Variants in SLC26A11 observed in about 807,000 individuals in gnomAD.
SLC26A11 encodes solute carrier family 26 member 11.
A neutral mutation model predicts 62.2 loss-of-function variants in SLC26A11; 58 were observed. That is an observed-to-expected ratio of 0.93 (90% CI 0.76 to 1.16). SLC26A11 has a LOEUF of 1.16. Ranked by LOEUF, SLC26A11 falls within the 50% of genes most tolerant of loss-of-function variation. SLC26A11 has a pLI of 0.00. For synonymous variants in SLC26A11, 411 were observed against 368.9 expected (o/e 1.11, Z -1.31); for missense variants, 790 against 794.3 (o/e 0.99, Z 0.06).
chr17:80,227,450 C>T (rs2042441897), intron 6 of SLC26A11, among the ~76,000 whole-genome samples: 1 of 152,228 alleles, frequency 6.6e-6, no homozygotes, highest in Non-Finnish European at 1.5e-5. Context: ...CTGCCATCAT[C>T]ATGACCCGGG....
rs373190866 is a variant in SLC26A11 at position 80,228,718 on chromosome 17, A to G, written c.736+758A>G. Among the ~76,000 whole-genome samples, 272 of 152,374 alleles carry G rather than the reference A, an allele frequency of 1.8e-3. 8 individuals carry two copies. The East Asian group carries it at 0.038, about 21-fold the overall frequency. On this transcript the variant is annotated intron_variant, in intron 7 of 17. Coordinates refer to ENST00000361193, the MANE Select transcript of SLC26A11 (RefSeq NM_001166347.2). This position sits in a 1 kb window ranked among gnomAD's most constrained non-coding sequence, Gnocchi z 4.1. ...CAAAATGTCGGCGGTGCCGAGGTGG[A>G]GAAACACAGTCTACTGGCAGGTCCT... is the stretch of plus-strand genomic sequence containing the variant.
chr17:80,224,942 C>T (rs994993470), intron 5 of SLC26A11, among the ~76,000 whole-genome samples: 2 of 152,060 alleles, frequency 1.3e-5, no homozygotes, highest in African/African-American at 4.8e-5. Context: ...CTAACCCCAC[C>T]CACCCTGTGC....
At position 80,252,358 on chromosome 17, in the gene SLC26A11, G is replaced by C. The variant is rs1243240516; in HGVS notation, c.1730-267G>C. 2.0e-5 allele frequency among the ~76,000 whole-genome samples: 3 copies of C among 152,196 alleles called. No individual in the cohort carries two copies. The highest frequency in any genetic ancestry group is 4.4e-5 in the Non-Finnish European group (3 of 68,026). On this transcript the variant is annotated intron_variant, in intron 17 of 17. Transcript: ENST00000361193. The surrounding 1 kb of genome is among the most constrained non-coding windows in gnomAD (Gnocchi z 5.2). ...GAATCAGCTCAGATGCAGTGCACTG[G>C]AGGTGGATAAGCAGAATGTGGCCTG...
chr17:80,252,578 C>G lies in SLC26A11; in HGVS notation c.1730-47C>G. Reference sequence around the variant, plus strand: ...CCCTTCCTGTGAACTGACCCATCCTCACTTCTGAGCTTTTAGTGCTTGAAA... The same window carrying G: ...CCCTTCCTGTGAACTGACCCATCCTGACTTCTGAGCTTTTAGTGCTTGAAA... On this transcript the variant is annotated intron_variant, in intron 17 of 17. Coordinates refer to ENST00000361193, the MANE Select transcript of SLC26A11 (RefSeq NM_001166347.2). This position sits in a 1 kb window ranked among gnomAD's most constrained non-coding sequence, Gnocchi z 5.2. The G allele has an allele frequency of 6.3e-7, 1 of 1,580,746 alleles. No homozygotes were observed. The highest frequency in any genetic ancestry group is 8.7e-7 in the Non-Finnish European group (1 of 1,152,860).
At chr17:80,230,252 A>G (rs930717627) in intron 7 of SLC26A11, among the ~76,000 whole-genome samples, 3 of 151,624 alleles carry the variant, frequency 2.0e-5, no homozygotes, top group African/African-American at 7.3e-5. Flanking sequence ...CATGTTTTTC[A>G]GAGACTTGTT....
At position 80,251,352 on chromosome 17, in the gene SLC26A11, G is replaced by C. The variant is rs200621674; in HGVS notation, c.1680G>C (p.Leu560=). The change falls in exon 17 of 18, where the codon CTG becomes CTC. Residue 560 remains leucine, a synonymous_variant. Coordinates refer to ENST00000361193, the MANE Select transcript of SLC26A11 (RefSeq NM_001166347.2). Reference sequence around the variant, plus strand: ...AGGTCCCCGTTCTCCGTGTCCTGCTGTCCGCTGACCTGAAGGGGTTCCAGT... The same window carrying C: ...AGGTCCCCGTTCTCCGTGTCCTGCTCTCCGCTGACCTGAAGGGGTTCCAGT... The part of the protein sequence containing the change: ...GLQVPVLRVL[L]SADLKGFQYF... 4.0e-5 allele frequency: 64 copies of C among 1,613,992 alleles called. No homozygotes were observed. The highest frequency in any genetic ancestry group is 1.0e-4 in the Admixed American group (6 of 59,974).
At position 80,246,677 on chromosome 17, in the gene SLC26A11, G is replaced by A. The variant is rs372523185; in HGVS notation, c.1294+28G>A. Reference sequence around the variant, plus strand: ...ACGTCCTTGTCCTACAGGGGAGAGCGCTGTGATGCGGTGTCTGAACGCGGA... The same window carrying A: ...ACGTCCTTGTCCTACAGGGGAGAGCACTGTGATGCGGTGTCTGAACGCGGA... On this transcript the variant is annotated intron_variant, in intron 13 of 17. Coordinates refer to ENST00000361193, the MANE Select transcript of SLC26A11 (RefSeq NM_001166347.2). This position sits in a 1 kb window ranked among gnomAD's most constrained non-coding sequence, Gnocchi z 4.4. The A allele has an allele frequency of 7.2e-5, 116 of 1,608,312 alleles. No individual in the cohort carries two copies. The highest frequency in any genetic ancestry group is 1.1e-4 in the South Asian group (10 of 90,314).
At chr17:80,237,993 A>C (rs2042746020) in intron 9 of SLC26A11, among the ~76,000 whole-genome samples, 1 of 152,260 alleles carries the variant, frequency 6.6e-6, no homozygotes, top group South Asian at 2.1e-4. Context: ...CACCATGTAG[A>C]TACAGTGGGT....
At chr17:80,239,994 A>G (rs1162378047) in intron 9 of SLC26A11, among the ~76,000 whole-genome samples, 1 of 152,264 alleles carries the variant, frequency 6.6e-6, no homozygotes, top group Non-Finnish European at 1.5e-5. Context: ...GCGTAGCTGC[A>G]GCAGTGACTG....
At chr17:80,247,621 G>T (rs950570235) in intron 13 of SLC26A11, among the ~76,000 whole-genome samples, 2 of 152,354 alleles carry the variant, frequency 1.3e-5, no homozygotes, top group South Asian at 2.1e-4. Context: ...GTGCCAGTGC[G>T]CTGGGGCTTT....
intron 7 of SLC26A11, among the ~76,000 whole-genome samples, chr17:80,231,291 T>C (rs1308854267): frequency 1.3e-5 from 2 of 151,484 alleles, no homozygotes; most frequent in Admixed American, 6.6e-5. Flanking sequence ...GCCTCCCAAG[T>C]AGCTGGGATT....
Position 80,221,610 on chromosome 17 carries a change from G to A in SLC26A11, c.50G>A (p.Gly17Glu). 1.2e-6 allele frequency: 2 copies of A among 1,608,266 alleles called. No individual in the cohort carries two copies. Among genetic ancestry groups the A allele is most frequent in the Non-Finnish European group, 1.7e-6 (2 of 1,179,642 alleles). ...ALGQARSSGP[G>E]MAPSACCCSP... ...GGTCAGGCCAGGTCCTCTGGCCCCG[G>A]GATGGCCCCGAGCGCCTGCTGCTGC... Residue 17 changes from glycine (G) to glutamate (E), a missense_variant, in exon 3 of 18, where the codon GGG (glycine) becomes GAG (glutamate). By Grantham distance (98) the Gly-to-Glu change is moderately conservative. Coordinates refer to ENST00000361193, the MANE Select transcript of SLC26A11 (RefSeq NM_001166347.2).
intron 6 of SLC26A11, 94 bp downstream of exon 6, chr17:80,226,010 C>G: frequency 8.5e-7 from 1 of 1,172,468 alleles, no homozygotes; most frequent in Admixed American, 1.8e-5. Context: ...CCCCTGGTGA[C>G]TGCTCAAACA....
rs549162883 is a variant in SLC26A11, at chr17:80,246,740, C to A, written c.1294+91C>A. Reference sequence around the variant, plus strand: ...TGCTACCCCATTTTCCTGCAGCCCCCTCTGTGGGGCTGGGACTGGGAAGTT... The same window carrying A: ...TGCTACCCCATTTTCCTGCAGCCCCATCTGTGGGGCTGGGACTGGGAAGTT... On this transcript the variant is annotated intron_variant, in intron 13 of 17. Transcript: ENST00000361193. The surrounding 1 kb of genome is among the most constrained non-coding windows in gnomAD (Gnocchi z 4.4). The A allele has an allele frequency of 9.4e-6, 14 of 1,482,858 alleles. No individual in the cohort carries two copies. Among genetic ancestry groups the A allele is most frequent in the Non-Finnish European group, 1.3e-5 (14 of 1,101,630 alleles). The allele number at this position is 1,482,858 out of a possible 1,614,324, so 91.9% of individuals were successfully genotyped here.
chr17:80,235,728 A>C (rs1015752595), intron 7 of SLC26A11, among the ~76,000 whole-genome samples: 3 of 152,194 alleles, frequency 2.0e-5, no homozygotes, highest in Non-Finnish European at 4.4e-5. Context: ...GTTTGAGGTT[A>C]TTGCGTGCTG....
chr17:80,221,259 C>T (rs2042173288), intron 2 of SLC26A11, 144 bp downstream of exon 2: 1 of 400,644 alleles, frequency 2.5e-6, no homozygotes, highest in African/African-American at 2.1e-5. Context: ...TGAGGAATCG[C>T]TTATCAGTTT....
intron 7 of SLC26A11, among the ~76,000 whole-genome samples, chr17:80,233,302 T>A (rs1258064854): frequency 6.6e-6 from 1 of 151,854 alleles, no homozygotes; most frequent in Non-Finnish European, 1.5e-5. Flanking sequence ...TCTGGCTAAT[T>A]TTTTAAATTT....
Position 80,222,641 on chromosome 17 carries a change from C to G in SLC26A11, c.235-14C>G, listed in dbSNP as rs2042254026. 6 of 1,611,142 alleles carry G rather than the reference C, an allele frequency of 3.7e-6. No homozygotes were observed. The East Asian group carries it at 8.9e-5, about 24-fold the overall frequency. The stretch of plus-strand genomic sequence containing the variant: ...CTCGGCCTCCTGAGTGCTCACCACC[C>G]TCTCTCCCCACAGTATGGCCTCTAC... On this transcript the variant is annotated splice_polypyrimidine_tract_variant and intron_variant, in intron 3 of 17. Coordinates refer to ENST00000361193, the MANE Select transcript of SLC26A11 (RefSeq NM_001166347.2). The surrounding 1 kb of genome is among the most constrained non-coding windows in gnomAD (Gnocchi z 4.7).
chr17:80,224,442 AGAGTGT>A (rs1397578390), intron 5 of SLC26A11, among the ~76,000 whole-genome samples: 84 of 120,316 alleles, frequency 7.0e-4, no homozygotes, highest in East Asian at 2.1e-3. Flanking sequence ...TGTGGGTGTG[AGAGTGT>A]GAGTGTGAGA....
Sources: gnomAD v4.1 joint callset for allele counts (sites outside exome capture counted in the v4.1 genomes callset) on GRCh38, gnomAD v4.1.1 for gene constraint, Gnocchi (gnomAD v3.1) non-coding constraint, MANE v1.5 for transcripts, NCBI Gene and HGNC (gene_info 2026-07-23, HGNC 2026-07-21) for gene names.